The following HDAC9 variants were observed in gnomAD, a reference collection of about 807,000 sequenced individuals.
HDAC9 encodes histone deacetylase 9.
A neutral mutation model predicts 139.4 loss-of-function variants in HDAC9; 41 were observed. The observed-to-expected ratio is 0.29, with a 90% CI of 0.23 to 0.38. The LOEUF (loss-of-function observed/expected upper bound fraction) is 0.38. HDAC9 is among the 10% of genes least tolerant of loss of function. HDAC9 has a pLI of 1.00. For synonymous variants in HDAC9, 517 were observed against 476.2 expected (o/e 1.09, Z -1.12); for missense variants, 1,147 against 1,297.0 (o/e 0.88, Z 1.78).
At chr7:18,921,924 T>C (rs1158006095) in intron 22 of HDAC9, among the ~76,000 whole-genome samples, 1 of 152,084 alleles carries the variant, frequency 6.6e-6, no homozygotes, top group African/African-American at 2.4e-5. Context: ...TCATGTCCTT[T>C]GTAGGGACAT....
intron 2 of HDAC9, among the ~76,000 whole-genome samples, chr7:18,573,799 A>G (rs1825077963): frequency 2.0e-5 from 3 of 152,184 alleles, no homozygotes; most frequent in South Asian, 4.1e-4. Flanking sequence ...GGTGGCACCC[A>G]GAAGCTTGGA....
intron 1 of HDAC9, among the ~76,000 whole-genome samples, chr7:18,351,476 A>G (rs1188869168): frequency 1.3e-5 from 2 of 152,328 alleles, no homozygotes; most frequent in Admixed American, 6.5e-5. Context: ...AAAGACAGCT[A>G]TATTAAAAGT....
intron 2 of HDAC9, among the ~76,000 whole-genome samples, chr7:18,225,789 C>CT (rs1332940138): frequency 1.3e-5 from 2 of 152,022 alleles, no homozygotes; most frequent in Non-Finnish European, 2.9e-5. Context: ...AAAGGGAAAA[C>CT]TTGTTCCTTG....
chr7:18,105,097 A>G (rs1057454348), intron 1 of HDAC9, among the ~76,000 whole-genome samples: 2 of 149,322 alleles, frequency 1.3e-5, no homozygotes, highest in African/African-American at 2.5e-5. Flanking sequence ...TTTCTAGATG[A>G]GATTTCATCT....
chr7:18,147,613 G>A (rs1240125100), intron 1 of HDAC9, among the ~76,000 whole-genome samples: 2 of 149,790 alleles, frequency 1.3e-5, no homozygotes, highest in Non-Finnish European at 3.0e-5. Context: ...ATATGTTTAT[G>A]TTTTGTCTTA....
chr7:18,637,160 T>C (rs1784141674), intron 8 of HDAC9, among the ~76,000 whole-genome samples: 2 of 152,122 alleles, frequency 1.3e-5, no homozygotes. Flanking sequence ...AGTAATAGTA[T>C]ATTTTTAAGA....
intron 1 of HDAC9, among the ~76,000 whole-genome samples, chr7:18,148,012 T>A (rs1179299475): frequency 1.3e-5 from 2 of 152,216 alleles, no homozygotes; most frequent in African/African-American, 4.8e-5. Context: ...ACATCTAGAC[T>A]GTTTCCAGAA....
At chr7:18,226,545 G>A (rs2697911) in intron 2 of HDAC9, among the ~76,000 whole-genome samples, 5,505 of 152,264 alleles carry the variant, frequency 0.036, 140 homozygotes, top group Non-Finnish European at 0.053. Context: ...TAAAGGAGTG[G>A]GGAAGAATCA....
intron 1 of HDAC9, among the ~76,000 whole-genome samples, chr7:18,409,968 A>G (rs531655532): frequency 4.6e-5 from 7 of 152,318 alleles, no homozygotes; most frequent in East Asian, 1.9e-4. Flanking sequence ...AGTGAACAAT[A>G]GAAAGTATTC....
intron 12 of HDAC9, among the ~76,000 whole-genome samples, chr7:18,679,596 C>T (rs141955822): frequency 0.017 from 2,559 of 147,374 alleles, 69 homozygotes; most frequent in African/African-American, 0.059. Flanking sequence ...TCTCTCTCTC[C>T]GTCTCTTTCT....
intron 2 of HDAC9, among the ~76,000 whole-genome samples, chr7:18,582,429 T>C (rs1429362941): frequency 1.3e-5 from 2 of 152,176 alleles, no homozygotes; most frequent in African/African-American, 4.8e-5. Flanking sequence ...TGTCTTTCTT[T>C]AAAATACCAA....
At chr7:18,626,372 A>G (rs893993364) in intron 6 of HDAC9, among the ~76,000 whole-genome samples, 1 of 152,156 alleles carries the variant, frequency 6.6e-6, no homozygotes, top group South Asian at 2.1e-4. Context: ...CCAGCAAAGA[A>G]CTAGAGTGTT....
chr7:18,800,696 G>T (rs946389839), intron 17 of HDAC9, among the ~76,000 whole-genome samples: 3 of 152,030 alleles, frequency 2.0e-5, no homozygotes, highest in African/African-American at 7.2e-5. Context: ...AGCCAGGTGG[G>T]GTGGCATGTA....
chr7:18,386,018 T>A (rs931678602), intron 1 of HDAC9, among the ~76,000 whole-genome samples: 4 of 152,212 alleles, frequency 2.6e-5, no homozygotes, highest in African/African-American at 7.2e-5. Context: ...ATTTAGTATT[T>A]AGATGATTAT....
At chr7:18,099,331 G>A (rs1237711956) in intron 1 of HDAC9, among the ~76,000 whole-genome samples, 3 of 152,048 alleles carry the variant, frequency 2.0e-5, no homozygotes, top group East Asian at 1.9e-4. Flanking sequence ...AGCTGGGTGC[G>A]GTGGTGGGCA....
chr7:18,732,268 T>C (rs1786125914), intron 13 of HDAC9, among the ~76,000 whole-genome samples: 2 of 152,164 alleles, frequency 1.3e-5, no homozygotes, highest in Admixed American at 1.3e-4. Context: ...ATCTAGAATA[T>C]TATAATGGAA....
chr7:18,106,268 G>T (rs894608417), intron 1 of HDAC9, among the ~76,000 whole-genome samples: 4 of 152,106 alleles, frequency 2.6e-5, no homozygotes, highest in Non-Finnish European at 4.4e-5. Context: ...AACAAAAACC[G>T]AAAGCTCCTT....
intron 11 of HDAC9, among the ~76,000 whole-genome samples, chr7:18,659,676 G>A (rs1351060836): frequency 6.6e-6 from 1 of 152,146 alleles, no homozygotes; most frequent in Non-Finnish European, 1.5e-5. Flanking sequence ...AAAGGCAAAG[G>A]AGAAGCTGTG....
chr7:18,188,029 C>T (rs1421818646), intron 2 of HDAC9, among the ~76,000 whole-genome samples: 2 of 152,124 alleles, frequency 1.3e-5, no homozygotes, highest in East Asian at 1.9e-4. Flanking sequence ...AAAGAAGACC[C>T]TGTGCAGCCA....
Sources: gnomAD v4.1 joint callset for allele counts (sites outside exome capture counted in the v4.1 genomes callset) on GRCh38, gnomAD v4.1.1 for gene constraint, MANE v1.5 for transcripts, NCBI Gene and HGNC (gene_info 2026-07-23, HGNC 2026-07-21) for gene names.